The following MEGF11 variants were observed in gnomAD, a reference collection of about 807,000 sequenced individuals.
MEGF11 encodes multiple EGF like domains 11.
A neutral mutation model predicts 146.6 loss-of-function variants in MEGF11; 126 were observed. The ratio of observed to expected loss-of-function variants is 0.86; its 90% CI spans 0.74 to 1.00. MEGF11 has a LOEUF of 1.00. Among genes scored for constraint, MEGF11 ranks in the 50% least tolerant of loss-of-function variants. The pLI, the probability that MEGF11 is intolerant of heterozygous loss-of-function variation, is 0.00. For missense variants in MEGF11, 1,509 were observed against 1,521.2 expected (o/e 0.99, Z 0.13); for synonymous variants, 532 against 583.4 (o/e 0.91, Z 1.27).
chr15:66,246,872 T>C (rs1410433334), intron 1 of MEGF11, among the ~76,000 whole-genome samples: 8 of 152,066 alleles, frequency 5.3e-5, no homozygotes, highest in Non-Finnish European at 7.4e-5. Context: ...GACATGGAGA[T>C]TGATGCGTGA....
chr15:66,124,164 C>T (rs1270988838), intron 2 of MEGF11, among the ~76,000 whole-genome samples, 164 bp from the exon 3 acceptor site: 1 of 152,138 alleles, frequency 6.6e-6, no homozygotes, highest in Non-Finnish European at 1.5e-5. Context: ...CCCTGAATGC[C>T]CTCATATTCC....
At chr15:66,176,923 T>G (rs2090401974) in intron 1 of MEGF11, among the ~76,000 whole-genome samples, 1 of 152,144 alleles carries the variant, frequency 6.6e-6, no homozygotes, top group Non-Finnish European at 1.5e-5. Context: ...CCACAGATCT[T>G]AAGCTTCAAG....
rs36034475 is a variant in MEGF11, at chr15:66,204,088, GAAA to G, written c.-9+49514_-9+49516del. Reference sequence around the variant, plus strand: ...TAAGATCTCATCTCTATTAAAGGGGGAAAAAAAAAAAGGTTCTACAAAAAAGAT... The same window carrying G: ...TAAGATCTCATCTCTATTAAAGGGGGAAAAAAAAGGTTCTACAAAAAAGAT... On this transcript the variant is annotated intron_variant, in intron 1 of 25. Transcript: ENST00000395614. Among the ~76,000 whole-genome samples, 181 of 146,568 alleles carry G rather than the reference GAAA, an allele frequency of 1.2e-3. 1 individual carries two copies. Among genetic ancestry groups the G allele is most frequent in the South Asian group, 3.8e-3 (18 of 4,678 alleles).
intron 5 of MEGF11, among the ~76,000 whole-genome samples, chr15:66,090,768 C>T (rs774108974): frequency 3.9e-5 from 6 of 152,176 alleles, no homozygotes; most frequent in Non-Finnish European, 7.3e-5. Context: ...TCTGTAAGGC[C>T]ATTACAAATC....
chr15:65,932,084 G>A (rs1349436989), intron 10 of MEGF11, among the ~76,000 whole-genome samples: 3 of 152,202 alleles, frequency 2.0e-5, no homozygotes, highest in Admixed American at 1.3e-4. Context: ...GAATAATCCC[G>A]ATAAGGGATA....
At chr15:65,914,527 T>G (rs2078926559) in intron 19 of MEGF11, among the ~76,000 whole-genome samples, 1 of 152,158 alleles carries the variant, frequency 6.6e-6, no homozygotes, top group African/African-American at 2.4e-5. Context: ...AGTACTGTGC[T>G]GTTATTTCCA....
Position 65,936,339 on chromosome 15 carries a change from G to C in MEGF11, c.1288-5396C>G, listed in dbSNP as rs73479394. 3.2e-3 allele frequency among the ~76,000 whole-genome samples: 489 copies of C among 152,310 alleles called. 1 individual carries two copies. The highest frequency in any genetic ancestry group is 0.011 in the African/African-American group (475 of 41,588). ...CTGTGAGCTCCGTGGGGATGGATCT[G>C]ATTGCATTCATGTCTAGATTCTCAG... On this transcript the variant is annotated intron_variant, in intron 10 of 25. Transcript: ENST00000395614.
chr15:65,931,005 G>A, intron 10 of MEGF11, 62 bp from the exon 11 acceptor site: 1 of 1,458,346 alleles, frequency 6.9e-7, no homozygotes. Context: ...GCTGTGGTAG[G>A]CAGGATAATG....
At chr15:66,197,753 C>T (rs1055584023) in intron 1 of MEGF11, among the ~76,000 whole-genome samples, 6 of 152,152 alleles carry the variant, frequency 3.9e-5, no homozygotes, top group Non-Finnish European at 7.4e-5. Flanking sequence ...ACATCTATAC[C>T]GCCTCCAAAA....
intron 5 of MEGF11, among the ~76,000 whole-genome samples, chr15:66,057,717 A>C (rs2084736594): frequency 6.6e-6 from 1 of 152,134 alleles, no homozygotes; most frequent in Non-Finnish European, 1.5e-5. Context: ...TACCCTTTAA[A>C]TACACACTTA....
At chr15:66,219,708 A>AC (rs2091683068) in intron 1 of MEGF11, among the ~76,000 whole-genome samples, 2 of 47,016 alleles carry the variant, frequency 4.3e-5, no homozygotes, top group African/African-American at 7.3e-5. Context: ...CAAAAACAAA[A>AC]CAAAAAAAAA....
chr15:65,929,392 G>A (rs945905655), intron 12 of MEGF11, among the ~76,000 whole-genome samples: 1 of 152,220 alleles, frequency 6.6e-6, no homozygotes, highest in Non-Finnish European at 1.5e-5. Context: ...AGTAAGGGCT[G>A]TCTTGTAGCA....
rs58916890 is a variant in MEGF11 at position 66,136,125 on chromosome 15, G to A, written c.-8-7714C>T. Among the ~76,000 whole-genome samples the A allele has an allele frequency of 3.4e-3, 523 of 152,274 alleles. 4 individuals are homozygous for A. The highest frequency in any genetic ancestry group is 0.012 in the African/African-American group (500 of 41,548). On this transcript the variant is annotated intron_variant, in intron 1 of 25. Coordinates refer to ENST00000395614, the MANE Select transcript of MEGF11 (RefSeq NM_001385028.1). Reference sequence around the variant, plus strand: ...TTGATCCTGGAAAACTCATTTAACTGCCCTGAGCCTCCTTTTCCTCTTTTA... The same window carrying A: ...TTGATCCTGGAAAACTCATTTAACTACCCTGAGCCTCCTTTTCCTCTTTTA...
intron 1 of MEGF11, among the ~76,000 whole-genome samples, chr15:66,213,716 C>G (rs1406134153): frequency 6.6e-6 from 1 of 151,792 alleles, no homozygotes; most frequent in Non-Finnish European, 1.5e-5. Flanking sequence ...CACACCCAGC[C>G]TTAAATTGTT....
At chr15:65,913,403 T>C (rs1344003259) in intron 20 of MEGF11, 2 of 399,924 alleles carry the variant, frequency 5.0e-6, no homozygotes, top group Non-Finnish European at 9.3e-6. Context: ...AGGCATCAGG[T>C]TGGGGAGACA....
chr15:66,080,350 T>C (rs2085796038), intron 5 of MEGF11, among the ~76,000 whole-genome samples: 1 of 151,610 alleles, frequency 6.6e-6, no homozygotes, highest in African/African-American at 2.4e-5. Context: ...CCTCAGATTC[T>C]CTTTCTAAAA....
intron 3 of MEGF11, among the ~76,000 whole-genome samples, chr15:66,119,761 C>T (rs968222204): frequency 4.6e-5 from 7 of 152,114 alleles, no homozygotes. Flanking sequence ...CGCATGCCAT[C>T]CCTGGGAAGG....
At chr15:66,009,039 G>A (rs434416) in intron 5 of MEGF11, among the ~76,000 whole-genome samples, 146,459 of 152,146 alleles carry the variant, frequency 0.96, 70,629 homozygotes, top group Middle Eastern at 1. Flanking sequence ...ACTTCATAAA[G>A]GCTTTTCACT....
At chr15:66,029,565 A>G (rs1446720046) in intron 5 of MEGF11, among the ~76,000 whole-genome samples, 1 of 152,208 alleles carries the variant, frequency 6.6e-6, no homozygotes, top group East Asian at 1.9e-4. Context: ...AGAGGAGAGG[A>G]AAGCTGCTCT....
Sources: gnomAD v4.1 joint callset for allele counts (sites outside exome capture counted in the v4.1 genomes callset) on GRCh38, gnomAD v4.1.1 for gene constraint, MANE v1.5 for transcripts, NCBI Gene and HGNC (gene_info 2026-07-23, HGNC 2026-07-21) for gene names.